Variants in CACNA1C observed in about 807,000 individuals in gnomAD.
CACNA1C encodes calcium voltage-gated channel subunit alpha1 C, also known as voltage-dependent L-type calcium channel subunit alpha-1C.
CACNA1C carries 30 observed loss-of-function variants against 229.0 expected under a neutral mutation model. The observed-to-expected ratio is 0.13, with a 90% CI of 0.10 to 0.18. The LOEUF (loss-of-function observed/expected upper bound fraction) is 0.18. CACNA1C is among the 10% of genes least tolerant of loss of function. The pLI is 1.00. For missense variants in CACNA1C, 1,658 were observed against 2,845.0 expected (o/e 0.58, Z 9.49); for synonymous variants, 1,114 against 1,132.5 (o/e 0.98, Z 0.33).
chr12:2,369,901 AC>A (rs2154538082), intron 3 of CACNA1C, among the ~76,000 whole-genome samples: 1 of 152,318 alleles, frequency 6.6e-6, no homozygotes, highest in South Asian at 2.1e-4. Flanking sequence ...AAAATAGAAA[AC>A]TTTTACCCAC....
chr12:2,355,700 G>C (rs980159137), intron 3 of CACNA1C, among the ~76,000 whole-genome samples: 1 of 152,156 alleles, frequency 6.6e-6, no homozygotes, highest in African/African-American at 2.4e-5. Context: ...CTTGCAATGG[G>C]GGCGATTTTA....
intron 3 of CACNA1C, among the ~76,000 whole-genome samples, chr12:2,326,239 G>A (rs930122394): frequency 2.0e-5 from 3 of 152,122 alleles, no homozygotes; most frequent in Admixed American, 6.5e-5. Context: ...AAAGGTGGAC[G>A]GTATAAGCTG....
intron 43 of CACNA1C, among the ~76,000 whole-genome samples, chr12:2,683,341 G>C (rs1185092126): frequency 3.3e-5 from 5 of 152,154 alleles, no homozygotes; most frequent in African/African-American, 1.2e-4. Context: ...TGGCTATCTG[G>C]GGGTCTCCTT....
intron 1 of CACNA1C, among the ~76,000 whole-genome samples, chr12:1,980,903 T>C (rs896984286): frequency 2.0e-5 from 3 of 151,930 alleles, no homozygotes; most frequent in Admixed American, 2.0e-4. Flanking sequence ...AAATATCAAA[T>C]CACAATATCT....
intron 5 of CACNA1C, among the ~76,000 whole-genome samples, chr12:2,482,930 C>T (rs974976014): frequency 3.9e-5 from 6 of 152,212 alleles, no homozygotes; most frequent in African/African-American, 1.4e-4. Flanking sequence ...TTTCACCATT[C>T]CTGACAAAAC....
At chr12:2,245,347 C>T (rs2072647981) in intron 3 of CACNA1C, among the ~76,000 whole-genome samples, 1 of 152,156 alleles carries the variant, frequency 6.6e-6, no homozygotes, top group African/African-American at 2.4e-5. Context: ...TGCTTAGCCA[C>T]CCGGGTTTAA....
At chr12:2,471,445 T>G (rs1016563970) in intron 5 of CACNA1C, among the ~76,000 whole-genome samples, 21 of 152,214 alleles carry the variant, frequency 1.4e-4, no homozygotes, top group African/African-American at 4.8e-4. Flanking sequence ...AGATCCAAGT[T>G]CCCTTCTGGT....
intron 28 of CACNA1C, among the ~76,000 whole-genome samples, 194 bp from the exon 29 acceptor site, chr12:2,611,709 G>T (rs977226723): frequency 6.6e-6 from 1 of 152,144 alleles, no homozygotes; most frequent in African/African-American, 2.4e-5. Flanking sequence ...GTTCAGAGAT[G>T]GCAGAGCAGG....
intron 1 of CACNA1C, among the ~76,000 whole-genome samples, chr12:2,040,816 A>T (rs2049955115): frequency 6.6e-6 from 1 of 152,202 alleles, no homozygotes; most frequent in Non-Finnish European, 1.5e-5. Context: ...AAGCTTTTTC[A>T]TACTAACATT....
intron 1 of CACNA1C, among the ~76,000 whole-genome samples, chr12:2,073,846 C>A (rs537049975): frequency 6.6e-6 from 1 of 152,228 alleles, no homozygotes; most frequent in South Asian, 2.1e-4. Context: ...AAGGAGAAAT[C>A]TAAGATGACA....
At chr12:2,132,215 G>A (rs2092396072) in intron 3 of CACNA1C, among the ~76,000 whole-genome samples, 1 of 144,526 alleles carries the variant, frequency 6.9e-6, no homozygotes, top group Admixed American at 7.1e-5. Flanking sequence ...CTGAGACAAT[G>A]GGGTTTTGTA....
At position 2,230,020 on chromosome 12, in the gene CACNA1C, G is replaced by C. The variant is rs766817710; in HGVS notation, c.477+109590G>C. Among the ~76,000 whole-genome samples, 104 of 152,340 alleles carry C rather than the reference G, an allele frequency of 6.8e-4. 1 individual carries two copies. The Middle Eastern group carries it at 0.017, about 25-fold the overall frequency. On this transcript the variant is annotated intron_variant, in intron 3 of 46. Coordinates refer to ENST00000399655, the MANE Select transcript of CACNA1C (RefSeq NM_000719.7). ...TGCGCGCCCGCCTGGCTCCGCAGTAGCTCTGAGAACTGCCTTAAGCTCCGG... is the reference window on the plus strand; with the variant it reads ...TGCGCGCCCGCCTGGCTCCGCAGTACCTCTGAGAACTGCCTTAAGCTCCGG...
intron 9 of CACNA1C, among the ~76,000 whole-genome samples, chr12:2,533,812 T>C (rs2154585884): frequency 6.6e-6 from 1 of 152,240 alleles, no homozygotes; most frequent in Non-Finnish European, 1.5e-5. Flanking sequence ...CTCGGCAGCC[T>C]CAGTTTTCTC....
chr12:2,169,790 C>T (rs1008274924), intron 3 of CACNA1C, among the ~76,000 whole-genome samples: 2 of 152,332 alleles, frequency 1.3e-5, no homozygotes, highest in Non-Finnish European at 2.9e-5. Flanking sequence ...GACTCCGGGC[C>T]TGAAGTTTCT....
At position 2,651,510 on chromosome 12, in the gene CACNA1C, A is replaced by T. The variant is rs932090503; in HGVS notation, c.3946-130A>T. 5.1e-6 allele frequency: 7 copies of T among 1,367,594 alleles called. No homozygotes were observed. Among genetic ancestry groups the T allele is most frequent in the Admixed American group, 1.7e-5 (1 of 57,566 alleles). 84.7% of individuals were successfully genotyped at this position (1,367,594 alleles called of 1,614,324 possible). The stretch of plus-strand genomic sequence containing the variant: ...CGGCCGCCCTCCCATCGGAGGGGGA[A>T]GTCTAGTGCAGCAAACCCTGGCCTG... On this transcript the variant is annotated intron_variant, in intron 31 of 46. Transcript: ENST00000399655. This position sits in a 1 kb window ranked among gnomAD's most constrained non-coding sequence, Gnocchi z 5.4.
intron 1 of CACNA1C, among the ~76,000 whole-genome samples, chr12:1,988,581 T>C (rs1321499019): frequency 1.3e-5 from 2 of 152,254 alleles, no homozygotes; most frequent in Non-Finnish European, 2.9e-5. Context: ...TTGTTTATTC[T>C]ATCTCTTTCG....
intron 3 of CACNA1C, among the ~76,000 whole-genome samples, chr12:2,435,370 C>T (rs946401896): frequency 2.6e-5 from 4 of 152,210 alleles, no homozygotes; most frequent in Non-Finnish European, 4.4e-5. Flanking sequence ...TCCTTCCTGC[C>T]CACTTGCCTG....
rs1382500657 is a variant in CACNA1C at position 2,666,300 on chromosome 12, GA to G, written c.4527-382del. On this transcript the variant is annotated intron_variant, in intron 36 of 46. Coordinates refer to ENST00000399655, the MANE Select transcript of CACNA1C (RefSeq NM_000719.7). The surrounding 1 kb of genome is among the most constrained non-coding windows in gnomAD (Gnocchi z 5.3). The stretch of plus-strand genomic sequence containing the variant: ...TCAAGTTAGGATAGGTAGGGCCGGG[GA>G]AAATCTTGATTCCATTCCCGCTTCT... Among the ~76,000 whole-genome samples the G allele has an allele frequency of 6.6e-6, 1 of 150,752 alleles. No individual in the cohort carries two copies. Among genetic ancestry groups the G allele is most frequent in the Non-Finnish European group, 1.5e-5 (1 of 67,764 alleles).
chr12:2,010,046 T>C (rs865920589), intron 1 of CACNA1C, among the ~76,000 whole-genome samples: 1 of 152,336 alleles, frequency 6.6e-6, no homozygotes, highest in Non-Finnish European at 1.5e-5. Flanking sequence ...ATCATCATTA[T>C]TATTAGTTTC....
Sources: gnomAD v4.1 joint callset for allele counts (sites outside exome capture counted in the v4.1 genomes callset) on GRCh38, gnomAD v4.1.1 for gene constraint, Gnocchi (gnomAD v3.1) non-coding constraint, MANE v1.5 for transcripts, NCBI Gene and HGNC (gene_info 2026-07-23, HGNC 2026-07-21) for gene names.